The following UHRF2 variants were observed in gnomAD, a reference collection of about 807,000 sequenced individuals.
UHRF2 encodes the protein E3 ubiquitin-protein ligase UHRF2.
A neutral mutation model predicts 96.8 loss-of-function variants in UHRF2; 23 were observed. The ratio of observed to expected loss-of-function variants is 0.24; its 90% CI spans 0.17 to 0.34. The LOEUF (loss-of-function observed/expected upper bound fraction) is 0.34, where lower values mean the gene tolerates loss of function less well. Among genes scored for constraint, UHRF2 ranks in the 10% least tolerant of loss-of-function variants. The probability of loss-of-function intolerance (pLI) is 1.00; values close to 1 mark genes in which losing one functional copy is unlikely to be tolerated. For synonymous variants in UHRF2, 385 were observed against 332.6 expected, an observed-to-expected ratio of 1.16 and a Z score of -1.72; for missense variants, 685 against 981.5, an observed-to-expected ratio of 0.70 and a Z score of 4.04.
At chr9:6,419,844 G>A (rs1243794254) in intron 1 of UHRF2, among the ~76,000 whole-genome samples, 2 of 152,074 alleles carry the variant, frequency 1.3e-5, no homozygotes, top group African/African-American at 4.8e-5. Context: ...GGGCTAAAGT[G>A]ATCTCCCACC....
At chr9:6,488,540 C>CTTTTTTTTTTTTTTTTTT (rs58280407) in intron 9 of UHRF2, among the ~76,000 whole-genome samples, 21 of 83,804 alleles carry the variant, frequency 2.5e-4, no homozygotes, top group Non-Finnish European at 3.5e-4. Flanking sequence ...TTTTTCTTTT[C>CTTTTTTTTTTTTTTTTTT]TTTTTTTTTT....
At chr9:6,504,468 A>G (rs1816479239) in intron 14 of UHRF2, 125 bp from the exon 15 acceptor site, 6 of 607,930 alleles carry the variant, frequency 9.9e-6, no homozygotes, top group Non-Finnish European at 2.9e-6. Flanking sequence ...CACTATAAAC[A>G]TCTTTTATGC....
chr9:6,469,292 G>T (rs1010242334), intron 4 of UHRF2, among the ~76,000 whole-genome samples: 5 of 152,170 alleles, frequency 3.3e-5, no homozygotes, highest in African/African-American at 1.2e-4. Flanking sequence ...GGCCGAGGCA[G>T]GTGGATCATG....
At chr9:6,428,457 TTAAC>T (rs1820378240) in intron 2 of UHRF2, among the ~76,000 whole-genome samples, 1 of 151,508 alleles carries the variant, frequency 6.6e-6, no homozygotes, top group African/African-American at 2.4e-5. Flanking sequence ...TTAATAATCT[TTAAC>T]TTATTTATGC....
At chr9:6,481,902 CAGTT>C in intron 7 of UHRF2, 86 bp from the exon 8 acceptor site, 1 of 1,537,586 alleles carries the variant, frequency 6.5e-7, no homozygotes, top group East Asian at 2.3e-5. Context: ...ATTACATAAA[CAGTT>C]GGGTTCCTAG....
chr9:6,437,908 G>A (rs905121739), intron 3 of UHRF2, among the ~76,000 whole-genome samples: 4 of 152,070 alleles, frequency 2.6e-5, no homozygotes, highest in South Asian at 2.1e-4. Flanking sequence ...CACCGCACCC[G>A]GCTAGTTTCA....
intron 1 of UHRF2, among the ~76,000 whole-genome samples, chr9:6,417,820 C>A (rs1015090475): frequency 2.6e-5 from 4 of 152,072 alleles, no homozygotes; most frequent in African/African-American, 7.2e-5. Context: ...TTAAAAAGCA[C>A]CAGTTGAAAC....
At chr9:6,467,535 G>A (rs1822943712) in intron 4 of UHRF2, among the ~76,000 whole-genome samples, 3 of 144,502 alleles carry the variant, frequency 2.1e-5, no homozygotes, top group African/African-American at 7.8e-5. Flanking sequence ...GCCAGGCCTT[G>A]TTCTAGGCAC....
intron 4 of UHRF2, among the ~76,000 whole-genome samples, chr9:6,467,881 C>G (rs886105820): frequency 1.3e-5 from 2 of 152,020 alleles, no homozygotes; most frequent in Non-Finnish European, 2.9e-5. Flanking sequence ...AGTATTGAAA[C>G]AAGAATTTTT....
At chr9:6,464,059 C>T (rs1822718861) in intron 4 of UHRF2, among the ~76,000 whole-genome samples, 1 of 152,202 alleles carries the variant, frequency 6.6e-6, no homozygotes, top group Non-Finnish European at 1.5e-5. Flanking sequence ...TACAGTTCTG[C>T]AACAGTATGA....
intron 4 of UHRF2, among the ~76,000 whole-genome samples, chr9:6,464,399 G>A (rs945052253): frequency 2.0e-5 from 3 of 152,036 alleles, no homozygotes; most frequent in East Asian, 1.9e-4. Context: ...TTCTCCTTAC[G>A]ATGTTTGAAT....
chr9:6,422,876 C>A (rs916772037), intron 2 of UHRF2: 1 of 385,612 alleles, frequency 2.6e-6, no homozygotes, highest in Non-Finnish European at 4.6e-6. Flanking sequence ...ATATGGTTAT[C>A]TTCTAAAATA....
chr9:6,427,663 T>C (rs10739101), intron 2 of UHRF2, among the ~76,000 whole-genome samples: 145,089 of 152,288 alleles, frequency 0.95, 69,135 homozygotes, highest in East Asian at 0.99. Flanking sequence ...CCTGCCTGGG[T>C]GACAGAGCAA....
In UHRF2 at chr9:6,481,934, G is replaced by A. The variant is rs188682629; in HGVS notation, c.1285-58G>A. ...GTTCCTAGTCACATCTCAGAATTAA[G>A]GGCTTTCATTAAAATTTAACATAAC... is the stretch of plus-strand genomic sequence containing the variant. On this transcript the variant is annotated intron_variant, in intron 7 of 15. Transcript: ENST00000276893. The A allele has an allele frequency of 2.3e-3, 3,651 of 1,584,674 alleles. 14 individuals are homozygous for A. The highest frequency in any genetic ancestry group is 2.6e-3 in the Non-Finnish European group (3,041 of 1,160,192).
chr9:6,441,787 C>A (rs911478826), intron 3 of UHRF2, among the ~76,000 whole-genome samples: 3 of 150,078 alleles, frequency 2.0e-5, no homozygotes, highest in Admixed American at 6.6e-5. Flanking sequence ...GGAACTAATT[C>A]TTTTCTAAAA....
chr9:6,488,540 C>CTTTTTTTTTTTTTTTTT (rs58280407), intron 9 of UHRF2, among the ~76,000 whole-genome samples: 6 of 83,810 alleles, frequency 7.2e-5, no homozygotes, highest in South Asian at 4.7e-4. Flanking sequence ...TTTTTCTTTT[C>CTTTTTTTTTTTTTTTTT]TTTTTTTTTT....
Position 6,493,253 on chromosome 9 carries a change from G to A in UHRF2, c.1498-573G>A, listed in dbSNP as rs536013334. On this transcript the variant is annotated intron_variant, in intron 9 of 15. Coordinates refer to ENST00000276893, the MANE Select transcript of UHRF2 (RefSeq NM_152896.3). Reference sequence around the variant, plus strand: ...GCAGAGGCTACAGCGAGCCGAGATCGTGCCACCGCACTCCAGCCTGGGTGA... The same window carrying A: ...GCAGAGGCTACAGCGAGCCGAGATCATGCCACCGCACTCCAGCCTGGGTGA... Among the ~76,000 whole-genome samples, 44 of 152,098 alleles carry A rather than the reference G, an allele frequency of 2.9e-4. 1 individual carries two copies. The South Asian group carries it at 7.5e-3, about 26-fold the overall frequency.
At chr9:6,452,135 A>T (rs1257473259) in intron 3 of UHRF2, among the ~76,000 whole-genome samples, 1 of 151,442 alleles carries the variant, frequency 6.6e-6, no homozygotes, top group African/African-American at 2.4e-5. Context: ...TATGTTTCTC[A>T]TTTCTTTTTT....
At chr9:6,466,813 G>T (rs757017031) in intron 4 of UHRF2, among the ~76,000 whole-genome samples, 3 of 152,144 alleles carry the variant, frequency 2.0e-5, no homozygotes, top group African/African-American at 7.2e-5. Context: ...CTTTGTACTT[G>T]ATGTTCCCTC....
Sources: gnomAD v4.1 joint callset for allele counts (sites outside exome capture counted in the v4.1 genomes callset) on GRCh38, gnomAD v4.1.1 for gene constraint, MANE v1.5 for transcripts, NCBI Gene and HGNC (gene_info 2026-07-23, HGNC 2026-07-21) for gene names.